KLF17: variants seen among roughly 807,000 people sequenced by gnomAD.
The protein encoded by KLF17 is KLF transcription factor 17.
In KLF17, 31 loss-of-function variants were observed where a neutral mutation model predicts 34.2. The observed-to-expected ratio is 0.91, with a 90% CI of 0.68 to 1.22. KLF17 has a LOEUF of 1.22. Among genes scored for constraint, KLF17 ranks in the 50% most tolerant of loss-of-function variants. The probability of loss-of-function intolerance (pLI) is 0.00; values close to 1 mark genes in which losing one functional copy is unlikely to be tolerated. For synonymous variants in KLF17, 179 were observed against 186.7 expected, an observed-to-expected ratio of 0.96 and a Z score of 0.34; for missense variants, 478 against 505.2, an observed-to-expected ratio of 0.95 and a Z score of 0.52.
At chr1:44,058,126 C>A in the KLF17 span, among the ~76,000 whole-genome samples, 1 of 152,184 alleles carries the variant, frequency 6.6e-6, no homozygotes, top group African/African-American at 2.4e-5. Flanking sequence ...AGTGACCCAG[C>A]AGGCGTCCTG....
the KLF17 span, among the ~76,000 whole-genome samples, chr1:44,084,172 T>C: frequency 6.6e-6 from 1 of 152,334 alleles, no homozygotes; most frequent in African/African-American, 2.4e-5. Flanking sequence ...AGGCAAGACA[T>C]CTGGCCATTT....
At chr1:44,090,941 C>A in the KLF17 span, among the ~76,000 whole-genome samples, 1 of 141,014 alleles carries the variant, frequency 7.1e-6, no homozygotes, top group African/African-American at 2.6e-5. Flanking sequence ...CACGCACACA[C>A]ACACACACAC....
chr1:44,106,443 T>G, the KLF17 span: 1 of 152,220 alleles, frequency 6.6e-6, no homozygotes, highest in African/African-American at 2.4e-5. Flanking sequence ...ACCCCATCCC[T>G]ATTCTGATAC....
the KLF17 span, among the ~76,000 whole-genome samples, chr1:44,068,115 C>A: frequency 1.3e-5 from 2 of 150,408 alleles, no homozygotes; most frequent in Non-Finnish European, 1.5e-5. Flanking sequence ...ATCTCCGCCC[C>A]CTGGGTTCAA....
upstream of KLF17, chr1:44,115,931 T>C (rs570467637): frequency 7.8e-4 from 119 of 152,296 alleles, no homozygotes; most frequent in African/African-American, 2.8e-3. Context: ...GGCAAATAAA[T>C]TTTTCACTTT....
chr1:44,101,793 G>A, the KLF17 span, among the ~76,000 whole-genome samples: 1 of 152,230 alleles, frequency 6.6e-6, no homozygotes. Context: ...TTGGGAGGCC[G>A]AGGCAGACAG....
the KLF17 span, among the ~76,000 whole-genome samples, chr1:44,111,012 G>T: frequency 6.6e-6 from 1 of 151,694 alleles, no homozygotes; most frequent in Non-Finnish European, 1.5e-5. Context: ...TTTGAGACAA[G>T]GTCTCTCTCT....
the KLF17 span, among the ~76,000 whole-genome samples, chr1:44,063,899 A>G: frequency 6.6e-6 from 1 of 152,154 alleles, no homozygotes; most frequent in Non-Finnish European, 1.5e-5. Flanking sequence ...GCCTCTGAGA[A>G]GGGATTAGGG....
At chr1:44,079,510 C>T in the KLF17 span, among the ~76,000 whole-genome samples, 7 of 151,894 alleles carry the variant, frequency 4.6e-5, no homozygotes, top group Admixed American at 4.6e-4. Flanking sequence ...ACTCTGTTGC[C>T]CTGGCTGGTC....
chr1:44,117,707 C>A (rs1426775624), upstream of KLF17, among the ~76,000 whole-genome samples: 2 of 151,636 alleles, frequency 1.3e-5, no homozygotes, highest in East Asian at 3.9e-4. Context: ...GTTGGCCAGG[C>A]TGGTCTCAAA....
At chr1:44,049,693 G>A in the KLF17 span, among the ~76,000 whole-genome samples, 1 of 152,158 alleles carries the variant, frequency 6.6e-6, no homozygotes, top group Admixed American at 6.5e-5. Flanking sequence ...AGGTGGTCCA[G>A]GCTGGTCTTT....
the KLF17 span, among the ~76,000 whole-genome samples, chr1:44,102,339 G>T: frequency 6.6e-6 from 1 of 152,000 alleles, no homozygotes; most frequent in Admixed American, 6.6e-5. Flanking sequence ...ATCACTTGCG[G>T]TCAGGAGTTC....
the KLF17 span, among the ~76,000 whole-genome samples, chr1:44,054,124 G>C: frequency 6.6e-6 from 1 of 152,302 alleles, no homozygotes; most frequent in East Asian, 1.9e-4. Context: ...GGGGCACTCA[G>C]GAAATATGCT....
At chr1:44,128,060 T>C (rs760510864) in intron 1 of KLF17, among the ~76,000 whole-genome samples, 9 of 152,146 alleles carry the variant, frequency 5.9e-5, no homozygotes, top group Admixed American at 2.6e-4. Context: ...CTCCCTCTTC[T>C]ATTGCTACAG....
At chr1:44,093,246 CA>C in the KLF17 span, among the ~76,000 whole-genome samples, 49,339 of 151,948 alleles carry the variant, frequency 0.32, 8,149 homozygotes, top group South Asian at 0.38. Context: ...AATAGAGTAA[CA>C]GGGGGAAAAT....
chr1:44,093,362 A>G, the KLF17 span, among the ~76,000 whole-genome samples: 1 of 152,082 alleles, frequency 6.6e-6, no homozygotes, highest in African/African-American at 2.4e-5. Flanking sequence ...TAGGACTTCA[A>G]AGAATGGAAG....
rs1300601815 is a variant in KLF17 at position 44,129,454 on chromosome 1, T to C, written c.183T>C (p.Phe61=). 1.2e-6 allele frequency: 2 copies of C among 1,605,436 alleles called. No individual in the cohort carries two copies. Among genetic ancestry groups the C allele is most frequent in the Non-Finnish European group, 1.7e-6 (2 of 1,175,220 alleles). The change falls in exon 2 of 4, where the codon TTT becomes TTC. Residue 61 remains phenylalanine (F), a synonymous_variant. Coordinates refer to ENST00000372299, the MANE Select transcript of KLF17 (RefSeq NM_173484.4). ...AAGGCCTACCAAGCATTCAGCACTT[T>C]CCTCACAGCGCAGAGATGCTGGGGT... The part of the protein sequence containing the change: ...WNQGLPSIQH[F]PHSAEMLGSP...
the KLF17 span, chr1:44,107,304 T>A: frequency 6.6e-6 from 1 of 152,076 alleles, no homozygotes; most frequent in African/African-American, 2.4e-5. Context: ...AGGGTTTCAC[T>A]GTTTTGGCCA....
chr1:44,127,674 CT>C (rs774705801), intron 1 of KLF17, among the ~76,000 whole-genome samples: 1 of 42,630 alleles, frequency 2.3e-5, no homozygotes, highest in Non-Finnish European at 5.1e-5. Flanking sequence ...TTCTTTCTTT[CT>C]TTCTTTCTTT....
Sources: allele counts gnomAD v4.1 joint callset (sites outside exome capture counted in the v4.1 genomes callset), GRCh38; gene constraint gnomAD v4.1.1; transcripts MANE v1.5; gene names NCBI Gene and HGNC (gene_info 2026-07-23, HGNC 2026-07-21).